Variants in EXTL1 observed in about 807,000 individuals in gnomAD.
EXTL1 encodes exostosin-like 1.
In EXTL1, 43 loss-of-function variants were observed where a neutral mutation model predicts 64.6. The observed-to-expected ratio is 0.67, with a 90% CI of 0.52 to 0.86. EXTL1 has a LOEUF of 0.86. EXTL1 is among the 40% of genes least tolerant of loss of function. EXTL1 has a pLI of 0.00. For missense variants in EXTL1, 766 were observed against 879.0 expected, an observed-to-expected ratio of 0.87 and a Z score of 1.62; for synonymous variants, 352 against 360.5, an observed-to-expected ratio of 0.98 and a Z score of 0.27.
Position 26,022,520 on chromosome 1 carries a change from C to T in EXTL1, c.-127C>T, listed in dbSNP as rs76536291. 994 of 761,442 alleles carry T rather than the reference C, an allele frequency of 1.3e-3. 6 individuals are homozygous for T. The African/African-American group carries it at 0.014, about 11-fold the overall frequency. The allele number at this position is 761,442 out of a possible 1,614,324, so 47.2% of individuals were successfully genotyped here. A position where few individuals can be genotyped will look rare whatever the true frequency, so the allele number is the denominator to read the frequency against. ...TGGTCTCGATGGGCCTCAGTCTTCC[C>T]ATCTGTACAATGACAGCACAGGACT... On this transcript the variant is annotated 5_prime_UTR_variant, in exon 1 of 11. Transcript: ENST00000374280.
rs1169104433 is a variant in EXTL1 at position 26,030,675 on chromosome 1, A to T, written c.1101+80A>T. On this transcript the variant is annotated intron_variant, in intron 4 of 10. Coordinates refer to ENST00000374280, the MANE Select transcript of EXTL1 (RefSeq NM_004455.3). Reference sequence around the variant, plus strand: ...TCACCTCTCCATACTTCTCTGCCACAGTGTTTGGGGAACCCCCCCCCCTTC... The same window carrying T: ...TCACCTCTCCATACTTCTCTGCCACTGTGTTTGGGGAACCCCCCCCCCTTC... 44 of 1,451,182 alleles carry T rather than the reference A, an allele frequency of 3.0e-5. No individual in the cohort carries two copies. The Admixed American group carries it at 4.4e-4, about 14-fold the overall frequency. The allele number at this position is 1,451,182 out of a possible 1,614,324, so 89.9% of individuals were successfully genotyped here.
intron 1 of EXTL1, among the ~76,000 whole-genome samples, chr1:26,027,693 A>AAAAAAAAAAAAAAAAAAAAAAAAAG (rs1553141858): frequency 2.3e-5 from 3 of 131,458 alleles, no homozygotes; most frequent in South Asian, 2.3e-4. Flanking sequence ...CATCTCTAAA[A>AAAAAAAAAAAAAAAAAAAAAAAAAG]AAAAAAAAAA....
Position 26,022,452 on chromosome 1 carries a change from C to T in EXTL1, c.-195C>T, listed in dbSNP as rs2050160878. On this transcript the variant is annotated 5_prime_UTR_variant, in exon 1 of 11. Transcript: ENST00000374280. ...AAGCTGGGTCCCACCTGGCCTCCTC[C>T]TGCCTGGCTGGTGACTCACTATCTG... 7 of 535,368 alleles carry T rather than the reference C, an allele frequency of 1.3e-5. No individual in the cohort carries two copies. In the East Asian group the frequency reaches 2.2e-4, roughly 17 times the overall value. 33.2% of individuals were successfully genotyped at this position (535,368 alleles called of 1,614,324 possible).
chr1:26,030,507 C>G lies in EXTL1; in HGVS notation c.1013C>G (p.Ala338Gly). ...GCTGCCCTCCAGGAGATGTCCCCTGCACGGGTCCTCGCCCTGCGTCAGCAG... is the reference window on the plus strand; with the variant it reads ...GCTGCCCTCCAGGAGATGTCCCCTGGACGGGTCCTCGCCCTGCGTCAGCAG... ...VLAALQEMSPARVLALRQQTQ... is the reference protein window; with the variant it reads ...VLAALQEMSPGRVLALRQQTQ... Residue 338 changes from alanine to glycine, a missense_variant, in exon 4 of 11, where the codon GCA (alanine) becomes GGA (glycine). Transcript: ENST00000374280. 1 of 1,613,322 alleles carries G rather than the reference C, an allele frequency of 6.2e-7. No individual in the cohort carries two copies. Among genetic ancestry groups the G allele is most frequent in the Non-Finnish European group, 8.5e-7 (1 of 1,179,920 alleles).
At chr1:26,026,990 G>A (rs2050223536) in intron 1 of EXTL1, among the ~76,000 whole-genome samples, 1 of 152,172 alleles carries the variant, frequency 6.6e-6, no homozygotes, top group African/African-American at 2.4e-5. Flanking sequence ...CTGGCTGCAC[G>A]CTCAACCAGC....
Position 26,031,178 on chromosome 1 carries a change from T to A in EXTL1, c.1148T>A (p.Leu383Gln). The change falls in exon 5 of 11, where the codon CTG becomes CAG. Residue 383 changes from leucine (L) to glutamine (Q), a missense_variant. By Grantham distance (113) the Leu-to-Gln change is moderately radical. Transcript: ENST00000374280. ...GGAACATCAGCTCACCCCTCACTGC[T>A]GTGGAACAGCCCCCCAGGGGCACTC... ...IFGTSAHPSLLWNSPPGALLA... is the reference protein window; with the variant it reads ...IFGTSAHPSLQWNSPPGALLA... 6.2e-7 allele frequency: 1 copy of A among 1,614,084 alleles called. No homozygotes were observed. Among genetic ancestry groups the A allele is most frequent in the Non-Finnish European group, 8.5e-7 (1 of 1,180,006 alleles).
At position 26,022,479 on chromosome 1, in the gene EXTL1, C is replaced by A; in HGVS notation, c.-168C>A. The A allele has an allele frequency of 1.7e-6, 1 of 601,098 alleles. No homozygotes were observed. The allele number at this position is 601,098 out of a possible 1,614,324, so 37.2% of individuals were successfully genotyped here. A position where few individuals can be genotyped will look rare whatever the true frequency, so the allele number is the denominator to read the frequency against. On this transcript the variant is annotated 5_prime_UTR_variant, in exon 1 of 11. Transcript: ENST00000374280. ...GCCTGGCTGGTGACTCACTATCTGA[C>A]CTTAGACAGGCGGCCTGGTCTCGAT...
rs1232922196 is a variant in EXTL1, at chr1:26,033,915, C to A, written c.1679+59C>A. On this transcript the variant is annotated intron_variant, in intron 9 of 10. Coordinates refer to ENST00000374280, the MANE Select transcript of EXTL1 (RefSeq NM_004455.3). The surrounding 1 kb of genome is among the most constrained non-coding windows in gnomAD (Gnocchi z 5.1). Reference sequence around the variant, plus strand: ...ATCAGAGGACCAGAGACCCCACCCCCACCCCGAACGGAGCAGAGTGGCCTA... The same window carrying A: ...ATCAGAGGACCAGAGACCCCACCCCAACCCCGAACGGAGCAGAGTGGCCTA... 6.0e-6 allele frequency: 9 copies of A among 1,509,832 alleles called. No homozygotes were observed. Among genetic ancestry groups the A allele is most frequent in the Non-Finnish European group, 8.1e-6 (9 of 1,117,942 alleles). The allele number at this position is 1,509,832 out of a possible 1,614,324, so 93.5% of individuals were successfully genotyped here. A position where few individuals can be genotyped will look rare whatever the true frequency, so the allele number is the denominator to read the frequency against.
Position 26,030,502 on chromosome 1 carries a change from C to T in EXTL1, c.1008C>T (p.Ser336=). Residue 336 remains serine (S), a synonymous_variant, in exon 4 of 11, where the codon TCC becomes TCT. Coordinates refer to ENST00000374280, the MANE Select transcript of EXTL1 (RefSeq NM_004455.3). ...LQVLAALQEM[S]PARVLALRQQ... ...TCCTGGCTGCCCTCCAGGAGATGTC[C>T]CCTGCACGGGTCCTCGCCCTGCGTC... 1.2e-6 allele frequency: 2 copies of T among 1,613,172 alleles called. No individual in the cohort carries two copies. Among genetic ancestry groups the T allele is most frequent in the Non-Finnish European group, 1.7e-6 (2 of 1,179,894 alleles).
intron 1 of EXTL1, among the ~76,000 whole-genome samples, chr1:26,024,244 G>A (rs1012508250): frequency 3.3e-5 from 5 of 152,110 alleles, no homozygotes; most frequent in Non-Finnish European, 5.9e-5. Context: ...TGTGTCCCCA[G>A]CAGGCCAGCA....
In EXTL1 at chr1:26,023,228, T is replaced by C. The variant is rs1450017970; in HGVS notation, c.582T>C (p.Phe194=). The change falls in exon 1 of 11, where the codon TTT becomes TTC. Residue 194 remains phenylalanine, a synonymous_variant. Transcript: ENST00000374280. ...CGGTGGACTCCTTCCGGCCCGGCTT[T>C]GATGTGGCCCTCCCTTTTCTCCCTG... is the stretch of plus-strand genomic sequence containing the variant. The part of the protein sequence containing the change: ...SPTVDSFRPG[F]DVALPFLPEA... 3.1e-6 allele frequency: 5 copies of C among 1,608,040 alleles called. No homozygotes were observed. Among genetic ancestry groups the C allele is most frequent in the Non-Finnish European group, 4.3e-6 (5 of 1,176,270 alleles).
chr1:26,023,535 G>A, intron 1 of EXTL1, 110 bp downstream of exon 1: 2 of 1,176,426 alleles, frequency 1.7e-6, no homozygotes, highest in Non-Finnish European at 2.2e-6. Context: ...GGTAGTCCTG[G>A]TAGACTTAGG....
chr1:26,030,473 C>T lies in EXTL1; in HGVS notation c.982-3C>T, dbSNP rs1222456885. ...CTGGCACTTTTCTCCCTCTCTGCTCCAGGTCCTGGCTGCCCTCCAGGAGAT... is the reference window on the plus strand; with the variant it reads ...CTGGCACTTTTCTCCCTCTCTGCTCTAGGTCCTGGCTGCCCTCCAGGAGAT... On this transcript the variant is annotated splice_region_variant and splice_polypyrimidine_tract_variant and intron_variant, in intron 3 of 10. Coordinates refer to ENST00000374280, the MANE Select transcript of EXTL1 (RefSeq NM_004455.3). The T allele has an allele frequency of 3.7e-6, 6 of 1,609,136 alleles. No individual in the cohort carries two copies. The highest frequency in any genetic ancestry group is 2.7e-5 in the African/African-American group (2 of 74,888).
chr1:26,031,489 C>G lies in EXTL1; in HGVS notation c.1264C>G (p.Leu422Val), dbSNP rs533985333. 3 of 1,595,664 alleles carry G rather than the reference C, an allele frequency of 1.9e-6. No homozygotes were observed. In the South Asian group the frequency reaches 3.4e-5, roughly 18 times the overall value. ...GSRPEGRFSA[L>V]IWVGPPGQPP... Reference sequence around the variant, plus strand: ...CCGCCCTGAGGGCAGATTCAGCGCCCTGATCTGGGTGGGGCCCCCAGGCCA... The same window carrying G: ...CCGCCCTGAGGGCAGATTCAGCGCCGTGATCTGGGTGGGGCCCCCAGGCCA... The change falls in exon 6 of 11, where the codon CTG (leucine) becomes GTG (valine). Residue 422 changes from leucine to valine, a missense_variant. By Grantham distance (32) the Leu-to-Val change is conservative. Transcript: ENST00000374280.
chr1:26,030,129 G>A (rs919677045), intron 3 of EXTL1, among the ~76,000 whole-genome samples: 1 of 152,122 alleles, frequency 6.6e-6, no homozygotes, highest in Non-Finnish European at 1.5e-5. Context: ...ATTTTGTCCA[G>A]CTCTGAAAAA....
chr1:26,029,327 A>C, intron 2 of EXTL1, 41 bp downstream of exon 2: 1 of 1,496,814 alleles, frequency 6.7e-7, no homozygotes, highest in Non-Finnish European at 9.3e-7. Context: ...TCTGTCCCCC[A>C]GCACTCATGA....
Position 26,033,576 on chromosome 1 carries a change from G to A in EXTL1, c.1519-120G>A, listed in dbSNP as rs138103590. ...CAGCCAATTCCAAGTCTTGGCTCCC[G>A]CGCCCTCTCCCCTGAGTCCTGCCCG... On this transcript the variant is annotated intron_variant, in intron 8 of 10. Transcript: ENST00000374280. The surrounding 1 kb of genome is among the most constrained non-coding windows in gnomAD (Gnocchi z 5.1). The A allele has an allele frequency of 1.7e-4, 172 of 1,025,070 alleles. No homozygotes were observed. The highest frequency in any genetic ancestry group is 2.3e-4 in the Middle Eastern group (1 of 4,390). The allele number at this position is 1,025,070 out of a possible 1,614,324, so 63.5% of individuals were successfully genotyped here. A position where few individuals can be genotyped will look rare whatever the true frequency, so the allele number is the denominator to read the frequency against.
rs764685227 is a variant in EXTL1, at chr1:26,033,781, A to C, written c.1604A>C (p.His535Pro). The C allele has an allele frequency of 6.2e-7, 1 of 1,614,214 alleles. No homozygotes were observed. The highest frequency in any genetic ancestry group is 1.7e-5 in the Admixed American group (1 of 60,038). The change falls in exon 9 of 11, where the codon CAT (histidine) becomes CCT (proline). Residue 535 changes from histidine (H) to proline (P), a missense_variant. By Grantham distance (77) the His-to-Pro change is moderately conservative (BLOSUM62 -2). This residue lies in a region of EXTL1 where 194 missense variants were observed against 214.5 expected (regional missense o/e 0.90). Coordinates refer to ENST00000374280, the MANE Select transcript of EXTL1 (RefSeq NM_004455.3). This position sits in a 1 kb window ranked among gnomAD's most constrained non-coding sequence, Gnocchi z 5.1. ...LTSSHFWDEA[H>P]GGWGYTAERT... Reference sequence around the variant, plus strand: ...TCGAGCCATTTCTGGGACGAGGCCCATGGTGGCTGGGGCTACACTGCTGAG... The same window carrying C: ...TCGAGCCATTTCTGGGACGAGGCCCCTGGTGGCTGGGGCTACACTGCTGAG...
chr1:26,033,853 A>G lies in EXTL1; in HGVS notation c.1676A>G (p.His559Arg), dbSNP rs1327898803. ...GTTCTCACCACAGCCGCCTTCTACC[A>G]TAGGTACAGACCCCTACCCTGCACA... ...SMVLTTAAFY[H>R]RYYHTLFTHS... The change falls in exon 9 of 11, where the codon CAT becomes CGT. Residue 559 changes from histidine (H) to arginine (R), a missense_variant. Transcript: ENST00000374280. This position sits in a 1 kb window ranked among gnomAD's most constrained non-coding sequence, Gnocchi z 5.1. 1 of 1,613,356 alleles carries G rather than the reference A, an allele frequency of 6.2e-7. No individual in the cohort carries two copies.
Sources: gnomAD v4.1 joint callset for allele counts (sites outside exome capture counted in the v4.1 genomes callset) on GRCh38, gnomAD v4.1.1 for gene constraint, gnomAD v4.1.1 regional missense constraint, Gnocchi (gnomAD v3.1) non-coding constraint, MANE v1.5 for transcripts, NCBI Gene and HGNC (gene_info 2026-07-23, HGNC 2026-07-21) for gene names.